ESR1: variants seen among roughly 807,000 people sequenced by gnomAD.
ESR1 encodes the protein estrogen receptor 1.
In ESR1, 12 loss-of-function variants were observed where a neutral mutation model predicts 52.7. The ratio of observed to expected loss-of-function variants is 0.23; its 90% confidence interval spans 0.15 to 0.37. ESR1 has a LOEUF of 0.37. ESR1 is among the 10% of genes least tolerant of loss of function. ESR1 has a pLI of 1.00. For missense variants in ESR1, 584 were observed against 779.7 expected (o/e 0.75, Z 2.99); for synonymous variants, 305 against 316.8 (o/e 0.96, Z 0.39).
intron 2 of ESR1, among the ~76,000 whole-genome samples, chr6:151,794,945 A>T (rs529266652): frequency 6.6e-6 from 1 of 152,154 alleles, no homozygotes; most frequent in African/African-American, 2.4e-5. Flanking sequence ...CACAATTCTG[A>T]CCTTTATCAC....
intron 1 of ESR1, among the ~76,000 whole-genome samples, chr6:151,675,942 G>A (rs2115272981): frequency 6.6e-6 from 1 of 152,380 alleles, no homozygotes; most frequent in South Asian, 2.1e-4. Flanking sequence ...GTGGTCTCCA[G>A]AAGGGAAGGC....
chr6:151,831,932 C>T (rs1782494837), intron 1 of ESR1, among the ~76,000 whole-genome samples: 1 of 152,116 alleles, frequency 6.6e-6, no homozygotes, highest in South Asian at 2.1e-4. Flanking sequence ...GCAGCCATAA[C>T]GTTCTCCCTA....
chr6:151,782,969 C>A (rs903918247), intron 2 of ESR1, among the ~76,000 whole-genome samples: 1 of 152,008 alleles, frequency 6.6e-6, no homozygotes. Context: ...ACTGACTGAC[C>A]CCACCACTCT....
chr6:151,717,037 AAGTGT>A (rs1215116580), intron 2 of ESR1, among the ~76,000 whole-genome samples: 1 of 152,148 alleles, frequency 6.6e-6, no homozygotes, highest in African/African-American at 2.4e-5. Context: ...ACCATGGGAA[AAGTGT>A]AGTATCTGGG....
chr6:151,800,341 C>T (rs1401664468), upstream of ESR1, among the ~76,000 whole-genome samples: 3 of 152,054 alleles, frequency 2.0e-5, no homozygotes, highest in Non-Finnish European at 2.9e-5. Context: ...TAGGACTAAA[C>T]ACTAAGCCCC....
chr6:151,665,730 T>A (rs1368496268), intron 1 of ESR1, among the ~76,000 whole-genome samples: 1 of 152,172 alleles, frequency 6.6e-6, no homozygotes, highest in Non-Finnish European at 1.5e-5. Flanking sequence ...TTACATACAA[T>A]GTTTTATTAC....
At chr6:151,900,889 T>C (rs1403081433) in intron 3 of ESR1, among the ~76,000 whole-genome samples, 1 of 152,192 alleles carries the variant, frequency 6.6e-6, no homozygotes, top group East Asian at 1.9e-4. Context: ...TAGCTTTTGT[T>C]GTTTAATGCA....
chr6:152,034,316 A>AATAAATAAATAAATAAATAC (rs1415740239), intron 5 of ESR1, among the ~76,000 whole-genome samples: 1 of 121,128 alleles, frequency 8.3e-6, no homozygotes, highest in Non-Finnish European at 1.8e-5. Context: ...TAAATAAATA[A>AATAAATAAATAAATAAATAC]ATACTAGTTT....
chr6:152,007,696 C>A (rs1484346610), intron 4 of ESR1, among the ~76,000 whole-genome samples: 1 of 152,030 alleles, frequency 6.6e-6, no homozygotes, highest in African/African-American at 2.4e-5. Context: ...GCATTCTGTC[C>A]CTCCTGTGTG....
intron 1 of ESR1, among the ~76,000 whole-genome samples, chr6:151,675,371 G>C (rs1778216760): frequency 6.6e-6 from 1 of 152,112 alleles, no homozygotes; most frequent in South Asian, 2.1e-4. Context: ...TGGTTGGATG[G>C]TTAGCTCAGT....
intron 6 of ESR1, among the ~76,000 whole-genome samples, chr6:152,075,519 A>T (rs997038659): frequency 7.9e-5 from 12 of 152,218 alleles, no homozygotes; most frequent in Admixed American, 7.9e-4. Context: ...CCTAAAGAAT[A>T]TGCACCATTC....
intron 6 of ESR1, among the ~76,000 whole-genome samples, chr6:152,093,354 T>TCTC (rs1562779234): frequency 2.4e-4 from 20 of 84,356 alleles, no homozygotes; most frequent in African/African-American, 5.5e-4. Context: ...CTCTCTCTCT[T>TCTC]TCTCTCTCTC....
chr6:151,805,026 T>C (rs1777646431), upstream of ESR1: 1 of 152,188 alleles, frequency 6.6e-6, no homozygotes, highest in Admixed American at 6.5e-5. Flanking sequence ...TATGTTCATA[T>C]CCTAGGCTTT....
intron 1 of ESR1, among the ~76,000 whole-genome samples, chr6:151,839,167 G>C (rs914147232): frequency 2.2e-4 from 33 of 152,104 alleles, no homozygotes; most frequent in South Asian, 8.3e-4. Flanking sequence ...GATTAATATA[G>C]TAAGTAGCAG....
At chr6:152,069,909 C>G (rs967082762) in intron 6 of ESR1, among the ~76,000 whole-genome samples, 2 of 137,452 alleles carry the variant, frequency 1.5e-5, no homozygotes, top group Non-Finnish European at 3.0e-5. Context: ...TGTTTCTATT[C>G]AAAGCTTATG....
At chr6:151,972,513 A>T (rs2039014308) in intron 4 of ESR1, among the ~76,000 whole-genome samples, 1 of 152,226 alleles carries the variant, frequency 6.6e-6, no homozygotes, top group South Asian at 2.1e-4. Context: ...CAAGTCAATA[A>T]ATGTGATACA....
At chr6:151,665,923 G>A (rs970887360) in intron 1 of ESR1, among the ~76,000 whole-genome samples, 2 of 152,188 alleles carry the variant, frequency 1.3e-5, no homozygotes, top group Non-Finnish European at 2.9e-5. Context: ...TCTCTTAGAC[G>A]GTTATTTCCT....
chr6:151,838,313 A>T (rs1039932306), intron 1 of ESR1, among the ~76,000 whole-genome samples: 1 of 152,248 alleles, frequency 6.6e-6, no homozygotes, highest in Non-Finnish European at 1.5e-5. Context: ...TGACAGGTGC[A>T]GTGGGCCAAG....
At chr6:152,103,445 G>C (rs1374912419), downstream of ESR1, among the ~76,000 whole-genome samples, 1 of 152,126 alleles carries the variant, frequency 6.6e-6, no homozygotes, top group African/African-American at 2.4e-5. Flanking sequence ...GAAGTGTGTG[G>C]ACACTGTGGT....
Sources: allele counts gnomAD v4.1 joint callset (sites outside exome capture counted in the v4.1 genomes callset), GRCh38; gene constraint gnomAD v4.1.1; transcripts MANE v1.5; gene names NCBI Gene and HGNC (gene_info 2026-07-23, HGNC 2026-07-21).